Variants in RPS6KA5 observed in about 807,000 individuals in gnomAD.
RPS6KA5 encodes ribosomal protein S6 kinase A5, also known as ribosomal protein S6 kinase alpha-5.
RPS6KA5 carries 27 observed loss-of-function variants against 85.5 expected under a neutral mutation model. The observed-to-expected ratio is 0.32, with a 90% CI of 0.23 to 0.44. RPS6KA5 has a LOEUF of 0.44. Ranked by LOEUF, RPS6KA5 falls within the 20% of genes least tolerant of loss-of-function variation. RPS6KA5 has a pLI of 1.00. For synonymous variants in RPS6KA5, 334 were observed against 348.2 expected (o/e 0.96, Z 0.46); for missense variants, 811 against 980.9 (o/e 0.83, Z 2.31).
chr14:90,989,045 A>T (rs865827738), intron 2 of RPS6KA5, among the ~76,000 whole-genome samples: 1 of 152,210 alleles, frequency 6.6e-6, no homozygotes, highest in Admixed American at 6.5e-5. Flanking sequence ...AATAATAAAT[A>T]AATAATCTCT....
intron 13 of RPS6KA5, 148 bp downstream of exon 13, chr14:90,894,265 C>A: frequency 7.9e-7 from 1 of 1,258,644 alleles, no homozygotes. Context: ...AAAGAAAAAA[C>A]ATCAAAGAAA....
chr14:91,060,390 G>C lies in RPS6KA5; in HGVS notation c.45C>G (p.Ser15Arg). 6.6e-7 allele frequency: 1 copy of C among 1,507,082 alleles called. No individual in the cohort carries two copies. Among genetic ancestry groups the C allele is most frequent in the Non-Finnish European group, 8.9e-7 (1 of 1,121,992 alleles). The allele number at this position is 1,507,082 out of a possible 1,614,324, so 93.4% of individuals were successfully genotyped here. A position where few individuals can be genotyped will look rare whatever the true frequency, so the allele number is the denominator to read the frequency against. The stretch of plus-strand genomic sequence containing the variant: ...GCTCTCCTCCGTCGCCGCCGTCCGC[G>C]CTGGTCCCCGCGGCGCCGCCGCTGC... ...GGSSGGAAGTSADGGDGGEQL... is the reference protein window; with the variant it reads ...GGSSGGAAGTRADGGDGGEQL... Residue 15 changes from serine (S) to arginine (R), a missense_variant, in exon 1 of 17, where the codon AGC (serine) becomes AGG (arginine). Transcript: ENST00000614987.
At chr14:90,953,120 C>T (rs2038299429) in intron 3 of RPS6KA5, among the ~76,000 whole-genome samples, 1 of 152,150 alleles carries the variant, frequency 6.6e-6, no homozygotes, top group South Asian at 2.1e-4. Flanking sequence ...AAATCAGGGA[C>T]CCCGAATGGA....
At chr14:90,940,298 A>G (rs1410352285) in intron 5 of RPS6KA5, among the ~76,000 whole-genome samples, 1 of 151,616 alleles carries the variant, frequency 6.6e-6, no homozygotes, top group Non-Finnish European at 1.5e-5. Context: ...TTCAGCTTGA[A>G]CTCTCCTATT....
intron 1 of RPS6KA5, among the ~76,000 whole-genome samples, chr14:91,007,060 T>C (rs1455450330): frequency 6.6e-6 from 1 of 152,196 alleles, no homozygotes; most frequent in Non-Finnish European, 1.5e-5. Context: ...GTTACTCTGA[T>C]TCCCACCAGC....
At chr14:90,900,462 C>A in intron 10 of RPS6KA5, 149 bp downstream of exon 10, 2 of 762,478 alleles carry the variant, frequency 2.6e-6, no homozygotes, top group East Asian at 3.0e-5. Flanking sequence ...TTCAACTTGA[C>A]GTTAATTCTC....
At chr14:91,058,545 T>C (rs1566919018) in intron 1 of RPS6KA5, among the ~76,000 whole-genome samples, 1 of 152,240 alleles carries the variant, frequency 6.6e-6, no homozygotes, top group Non-Finnish European at 1.5e-5. Flanking sequence ...TAGGATTCCA[T>C]ACATATAAAT....
At chr14:90,951,236 C>T (rs1182384681) in intron 3 of RPS6KA5, among the ~76,000 whole-genome samples, 2 of 151,976 alleles carry the variant, frequency 1.3e-5, no homozygotes, top group African/African-American at 4.8e-5. Context: ...GTAATCCCAG[C>T]ACTTTGTGAG....
rs2033143004 is a variant in RPS6KA5 at position 90,872,023 on chromosome 14, T to C, written c.*51A>G. ...AAAGCATAAAAGATCGCCTCAGGCA[T>C]ATGCTGAGGGAATAAAGGTGCAATG... On this transcript the variant is annotated 3_prime_UTR_variant, in exon 17 of 17. Transcript: ENST00000614987. 1 of 1,562,696 alleles carries C rather than the reference T, an allele frequency of 6.4e-7. No individual in the cohort carries two copies. Among genetic ancestry groups the C allele is most frequent in the East Asian group, 2.2e-5 (1 of 44,484 alleles).
At chr14:91,030,724 GT>G (rs2042157259) in intron 1 of RPS6KA5, among the ~76,000 whole-genome samples, 1 of 147,970 alleles carries the variant, frequency 6.8e-6, no homozygotes, top group South Asian at 2.2e-4. Context: ...GAGGTATATA[GT>G]TCAACCATAA....
At chr14:90,943,655 T>C (rs2037712841) in intron 4 of RPS6KA5, among the ~76,000 whole-genome samples, 3 of 152,226 alleles carry the variant, frequency 2.0e-5, no homozygotes, top group South Asian at 4.1e-4. Flanking sequence ...TGATATTTTC[T>C]AGCTATTTCC....
At chr14:90,999,260 A>G (rs1369824056) in intron 2 of RPS6KA5, among the ~76,000 whole-genome samples, 1 of 152,164 alleles carries the variant, frequency 6.6e-6, no homozygotes, top group African/African-American at 2.4e-5. Context: ...AAGCTAGGGA[A>G]GTGGCTGGTA....
At chr14:91,046,914 GC>G (rs149055421) in intron 1 of RPS6KA5, among the ~76,000 whole-genome samples, 3,978 of 151,956 alleles carry the variant, frequency 0.026, 83 homozygotes, top group Middle Eastern at 0.048. Flanking sequence ...GGTGGCTTAC[GC>G]CTGTAATCGC....
intron 3 of RPS6KA5, among the ~76,000 whole-genome samples, chr14:90,969,432 TCA>T (rs2039221152): frequency 6.6e-6 from 1 of 152,194 alleles, no homozygotes; most frequent in African/African-American, 2.4e-5. Context: ...AAAGTGAAAT[TCA>T]CAGAGACATT....
Position 90,860,653 on chromosome 14 carries a change from G to A in RPS6KA5, c.*11421C>T, listed in dbSNP as rs567093447. On this transcript the variant is annotated 3_prime_UTR_variant, in exon 17 of 17. Coordinates refer to ENST00000614987, the MANE Select transcript of RPS6KA5 (RefSeq NM_004755.4). ...GAATGATTAGATGGGTATATTACAT[G>A]ATACATGAATTTTATCTTAAAAAAA... 1 of 152,152 alleles carries A rather than the reference G, an allele frequency of 6.6e-6. No individual in the cohort carries two copies. Among genetic ancestry groups the A allele is most frequent in the East Asian group, 1.9e-4 (1 of 5,188 alleles). The allele number at this position is 152,152 out of a possible 1,614,324, so 9.4% of individuals were successfully genotyped here.
chr14:90,935,413 T>C (rs976287621), intron 5 of RPS6KA5, among the ~76,000 whole-genome samples: 1 of 152,216 alleles, frequency 6.6e-6, no homozygotes, highest in African/African-American at 2.4e-5. Flanking sequence ...CTTTATACTT[T>C]AGAAAGTACT....
At chr14:90,989,656 C>G (rs762850673) in intron 2 of RPS6KA5, among the ~76,000 whole-genome samples, 46 of 152,088 alleles carry the variant, frequency 3.0e-4, no homozygotes, top group Non-Finnish European at 5.6e-4. Flanking sequence ...AAAAGGAAGG[C>G]AGCAGAGAGA....
At chr14:90,900,341 C>T (rs764480339) in intron 10 of RPS6KA5, 100 bp from the exon 11 acceptor site, 48 of 819,276 alleles carry the variant, frequency 5.9e-5, no homozygotes, top group South Asian at 3.2e-5. Context: ...TATTAATAAA[C>T]AGGAATAGAA....
At chr14:90,917,146 T>C (rs951446854) in intron 7 of RPS6KA5, among the ~76,000 whole-genome samples, 10 of 152,162 alleles carry the variant, frequency 6.6e-5, no homozygotes, top group African/African-American at 1.4e-4. Context: ...CAGTTTCCTA[T>C]AGTCTGAGGT....
Sources: allele counts gnomAD v4.1 joint callset (sites outside exome capture counted in the v4.1 genomes callset), GRCh38; gene constraint gnomAD v4.1.1; transcripts MANE v1.5; gene names NCBI Gene and HGNC (gene_info 2026-07-23, HGNC 2026-07-21).